Variants in GPT2 observed in about 807,000 individuals in gnomAD.
GPT2 encodes glutamic--pyruvic transaminase 2, also known as alanine aminotransferase 2.
Under a neutral mutation model 56.9 loss-of-function variants are expected in GPT2, and 30 were observed. That is an observed-to-expected ratio of 0.53 (90% CI 0.39 to 0.72). The LOEUF is 0.72. Ranked by LOEUF, GPT2 falls within the 30% of genes least tolerant of loss-of-function variation. The pLI is 0.00. For missense variants in GPT2, 542 were observed against 703.4 expected (o/e 0.77, Z 2.60); for synonymous variants, 271 against 283.1 (o/e 0.96, Z 0.43).
intron 6 of GPT2, chr16:46,915,568 CGCAACATATACAG>C (rs1961134525): frequency 6.8e-6 from 1 of 147,918 alleles, no homozygotes; most frequent in African/African-American, 2.5e-5. Flanking sequence ...CACCTACACA[CGCAACATATACAG>C]ACACACACCC....
intron 2 of GPT2, among the ~76,000 whole-genome samples, chr16:46,886,147 T>C (rs370983295): frequency 5.8e-4 from 88 of 152,288 alleles, no homozygotes; most frequent in African/African-American, 1.9e-3. Flanking sequence ...CTTGCAGGGC[T>C]AAGTTTAAAG....
In GPT2 at chr16:46,892,743, T is replaced by C. The variant is rs544849907; in HGVS notation, c.244-4905T>C. The stretch of plus-strand genomic sequence containing the variant: ...TTGTGGAAAGACTCTTCACATCCTT[T>C]GTTCATTTTTACATCAGGTTTAATC... On this transcript the variant is annotated intron_variant, in intron 2 of 11. Coordinates refer to ENST00000340124, the MANE Select transcript of GPT2 (RefSeq NM_133443.4). Among the ~76,000 whole-genome samples the C allele has an allele frequency of 3.3e-5, 5 of 152,368 alleles. No homozygotes were observed. The South Asian group carries it at 8.3e-4, about 25-fold the overall frequency.
chr16:46,924,379 C>T lies in GPT2; in HGVS notation c.1213-10C>T. 1 of 1,614,064 alleles carries T rather than the reference C, an allele frequency of 6.2e-7. No individual in the cohort carries two copies. Among genetic ancestry groups the T allele is most frequent in the Non-Finnish European group, 8.5e-7 (1 of 1,179,894 alleles). On this transcript the variant is annotated splice_polypyrimidine_tract_variant and intron_variant, in intron 9 of 11. Coordinates refer to ENST00000340124, the MANE Select transcript of GPT2 (RefSeq NM_133443.4). ...ATACTGACTGCTGTGCTGTTTCCAT[C>T]TCTCATCAGGAGAAGGAGTCGGTCC... is the stretch of plus-strand genomic sequence containing the variant.
At chr16:46,896,197 G>A (rs940640598) in intron 2 of GPT2, among the ~76,000 whole-genome samples, 17 of 152,204 alleles carry the variant, frequency 1.1e-4, no homozygotes, top group Non-Finnish European at 1.9e-4. Flanking sequence ...TGAACCTGTT[G>A]TTGACTGCAT....
intron 4 of GPT2, among the ~76,000 whole-genome samples, chr16:46,904,497 C>T (rs904298731): frequency 6.6e-6 from 1 of 152,168 alleles, no homozygotes; most frequent in Non-Finnish European, 1.5e-5. Context: ...TTAGGGCAGG[C>T]CTCCGGGAGA....
In GPT2 at chr16:46,900,801, A is replaced by AACTTGCCAGGCCCCT; in HGVS notation, c.442+13_442+27dup. 6.2e-7 allele frequency: 1 copy of AACTTGCCAGGCCCCT among 1,610,152 alleles called. No individual in the cohort carries two copies. Among genetic ancestry groups the AACTTGCCAGGCCCCT allele is most frequent in the African/African-American group, 1.3e-5 (1 of 74,910 alleles). On this transcript the variant is annotated intron_variant, in intron 4 of 11. Coordinates refer to ENST00000340124, the MANE Select transcript of GPT2 (RefSeq NM_133443.4). Reference sequence around the variant, plus strand: ...GCGGGAACAGCCTGGGTGAGGCCCCAACTTGCCAGGCCCCTAGGCGTGAAA... The same window carrying AACTTGCCAGGCCCCT: ...GCGGGAACAGCCTGGGTGAGGCCCCAACTTGCCAGGCCCCTACTTGCCAGGCCCCTAGGCGTGAAA...
At chr16:46,917,423 G>A (rs1463515595) in intron 7 of GPT2, among the ~76,000 whole-genome samples, 1 of 152,146 alleles carries the variant, frequency 6.6e-6, no homozygotes, top group African/African-American at 2.4e-5. Context: ...CAGCGCTTCT[G>A]TATCTACTGT....
chr16:46,920,151 G>A (rs902851706), intron 8 of GPT2, among the ~76,000 whole-genome samples: 4 of 152,254 alleles, frequency 2.6e-5, no homozygotes, highest in Admixed American at 6.5e-5. Context: ...GCTGCGGTGA[G>A]CTGATGACGC....
intron 2 of GPT2, among the ~76,000 whole-genome samples, chr16:46,887,786 T>C (rs546366735): frequency 1.3e-5 from 2 of 152,288 alleles, no homozygotes; most frequent in South Asian, 2.1e-4. Flanking sequence ...TGTTTGACTT[T>C]GGGTGGCTGG....
In GPT2 at chr16:46,905,506, A is replaced by T. The variant is rs917415580; in HGVS notation, c.443-1336A>T. Among the ~76,000 whole-genome samples the T allele has an allele frequency of 2.6e-5, 4 of 152,266 alleles. No individual in the cohort carries two copies. The Middle Eastern group carries it at 0.01, about 388-fold the overall frequency. ...GAAGGAATAGTCTGGTTTTCTTTAAATGCAGTGTAAAATTCAAAAGATCTA... is the reference window on the plus strand; with the variant it reads ...GAAGGAATAGTCTGGTTTTCTTTAATTGCAGTGTAAAATTCAAAAGATCTA... On this transcript the variant is annotated intron_variant, in intron 4 of 11. Coordinates refer to ENST00000340124, the MANE Select transcript of GPT2 (RefSeq NM_133443.4).
chr16:46,927,936 G>C (rs1961450299), intron 11 of GPT2, among the ~76,000 whole-genome samples: 1 of 152,168 alleles, frequency 6.6e-6, no homozygotes, highest in Admixed American at 6.5e-5. Context: ...GTGTCTCACT[G>C]TCAGACTGAC....
At chr16:46,918,105 C>T (rs1173796075) in intron 7 of GPT2, among the ~76,000 whole-genome samples, 1 of 152,180 alleles carries the variant, frequency 6.6e-6, no homozygotes, top group Non-Finnish European at 1.5e-5. Context: ...TGGAAAGAAC[C>T]AAACGGGTAT....
At chr16:46,909,228 G>A (rs1307103353) in intron 5 of GPT2, among the ~76,000 whole-genome samples, 2 of 151,956 alleles carry the variant, frequency 1.3e-5, no homozygotes, top group East Asian at 3.8e-4. Flanking sequence ...TCTGAGACAG[G>A]GCTAGTGTGG....
intron 8 of GPT2, among the ~76,000 whole-genome samples, chr16:46,919,991 G>A (rs1415724940): frequency 6.6e-6 from 1 of 152,172 alleles, no homozygotes; most frequent in Non-Finnish European, 1.5e-5. Context: ...AGGATCACTC[G>A]AGGCCAGGAG....
At chr16:46,924,588 C>T (rs780613253) in intron 10 of GPT2, 44 bp downstream of exon 10, 2 of 1,603,596 alleles carry the variant, frequency 1.2e-6, no homozygotes, top group South Asian at 2.2e-5. Flanking sequence ...CCAGGTTCAC[C>T]TGAGATGCTG....
chr16:46,922,320 G>A lies in GPT2; in HGVS notation c.1116G>A (p.Ser372=), dbSNP rs770824085. 2.1e-5 allele frequency: 34 copies of A among 1,614,180 alleles called. No homozygotes were observed. The highest frequency in any genetic ancestry group is 8.3e-5 in the Admixed American group (5 of 60,030). Residue 372 remains serine (S), a synonymous_variant, in exon 9 of 12, where the codon TCG becomes TCA. Transcript: ENST00000340124. Reference sequence around the variant, plus strand: ...AGGGCCAGCTGGTGAAGCTGCTGTCGGTGCGCCTGTGCCCCCCAGTGTCTG... The same window carrying A: ...AGGGCCAGCTGGTGAAGCTGCTGTCAGTGCGCCTGTGCCCCCCAGTGTCTG... ...EIKGQLVKLL[S]VRLCPPVSGQ...
At chr16:46,897,054 C>A (rs1316925987) in intron 2 of GPT2, among the ~76,000 whole-genome samples, 1 of 152,042 alleles carries the variant, frequency 6.6e-6, no homozygotes, top group Non-Finnish European at 1.5e-5. Context: ...AGAGTGAGAC[C>A]CTGTCTCTAC....
At position 46,923,789 on chromosome 16, in the gene GPT2, G is replaced by A. The variant is rs7189304; in HGVS notation, c.1213-600G>A. On this transcript the variant is annotated intron_variant, in intron 9 of 11. Coordinates refer to ENST00000340124, the MANE Select transcript of GPT2 (RefSeq NM_133443.4). Reference sequence around the variant, plus strand: ...ACACCACACAGACAGAGGGTGGGGCGCGCTGGTCCCCCCCAGATGCATTGG... The same window carrying A: ...ACACCACACAGACAGAGGGTGGGGCACGCTGGTCCCCCCCAGATGCATTGG... The A allele has an allele frequency of 5.1e-5, 9 of 176,672 alleles. No individual in the cohort carries two copies. In the South Asian group the frequency reaches 8.3e-4, roughly 16 times the overall value. The allele number at this position is 176,672 out of a possible 1,614,324, so 10.9% of individuals were successfully genotyped here. A position where few individuals can be genotyped will look rare whatever the true frequency, so the allele number is the denominator to read the frequency against.
At chr16:46,907,575 C>G (rs1960957883) in intron 5 of GPT2, among the ~76,000 whole-genome samples, 1 of 152,118 alleles carries the variant, frequency 6.6e-6, no homozygotes, top group Non-Finnish European at 1.5e-5. Flanking sequence ...GTGCAGAGGC[C>G]TAGAGCTGGC....
Sources: gnomAD v4.1 joint callset for allele counts (sites outside exome capture counted in the v4.1 genomes callset) on GRCh38, gnomAD v4.1.1 for gene constraint, MANE v1.5 for transcripts, NCBI Gene and HGNC (gene_info 2026-07-23, HGNC 2026-07-21) for gene names.